Variants in NAE1 observed in about 807,000 individuals in gnomAD.
NAE1 encodes the protein NEDD8 activating enzyme E1 subunit 1, also known as NEDD8-activating enzyme E1 regulatory subunit.
Under a neutral mutation model 88.0 loss-of-function variants are expected in NAE1, and 59 were observed. That is an observed-to-expected ratio of 0.67 (90% CI 0.54 to 0.83). The LOEUF (loss-of-function observed/expected upper bound fraction) is 0.83. Among genes scored for constraint, NAE1 ranks in the 40% least tolerant of loss-of-function variants. The pLI, the probability that NAE1 is intolerant of heterozygous loss-of-function variation, is 0.00. For missense variants in NAE1, 554 were observed against 632.8 expected (o/e 0.88, Z 1.34); for synonymous variants, 186 against 208.9 (o/e 0.89, Z 0.95).
Position 66,830,827 on chromosome 16 carries a change from C to T in NAE1, c.53+20G>A, listed in dbSNP as rs1189939570. 2.6e-6 allele frequency: 4 copies of T among 1,509,824 alleles called. No homozygotes were observed. The highest frequency in any genetic ancestry group is 1.7e-4 in the Middle Eastern group (1 of 5,804). 93.5% of individuals were successfully genotyped at this position (1,509,824 alleles called of 1,614,324 possible). On this transcript the variant is annotated intron_variant, in intron 1 of 19. Coordinates refer to ENST00000290810, the MANE Select transcript of NAE1 (RefSeq NM_003905.4). ...GGAAAGCCCGCCGGCCCGCCCTCGG[C>T]TCGGTGAGCCTCGGCTCACCTCAGC...
intron 13 of NAE1, among the ~76,000 whole-genome samples, chr16:66,812,759 T>A (rs1050507531): frequency 2.1e-4 from 32 of 151,808 alleles, no homozygotes; most frequent in Non-Finnish European, 4.1e-4. Context: ...GACCTTGTGA[T>A]CCACCCGTCT....
At position 66,818,509 on chromosome 16, in the gene NAE1, G is replaced by C. The variant is rs751858578; in HGVS notation, c.621+19C>G. The C allele has an allele frequency of 6.3e-7, 1 of 1,577,306 alleles. No individual in the cohort carries two copies. Among genetic ancestry groups the C allele is most frequent in the Non-Finnish European group, 8.6e-7 (1 of 1,158,798 alleles). ...GTTTTAAGTCTATCTGTAAATGTAAGGTCACACACACTACCAACCTTTTTT... is the reference window on the plus strand; with the variant it reads ...GTTTTAAGTCTATCTGTAAATGTAACGTCACACACACTACCAACCTTTTTT... On this transcript the variant is annotated intron_variant, in intron 8 of 19. Transcript: ENST00000290810.
intron 14 of NAE1, 104 bp from the exon 15 acceptor site, chr16:66,810,517 A>G (rs1959751601): frequency 1.7e-6 from 2 of 1,155,428 alleles, no homozygotes; most frequent in Admixed American, 2.2e-5. Flanking sequence ...TTTCTCCAAG[A>G]GCTGGGAGAG....
At chr16:66,813,718 T>G (rs371227979) in intron 12 of NAE1, 21 bp from the exon 13 acceptor site, 42 of 1,610,244 alleles carry the variant, frequency 2.6e-5, no homozygotes, top group Admixed American at 6.7e-5. Context: ...AAGAAAAAAT[T>G]AACATTAAGT....
chr16:66,830,235 G>A (rs1960639872), intron 1 of NAE1, among the ~76,000 whole-genome samples: 1 of 151,824 alleles, frequency 6.6e-6, no homozygotes, highest in African/African-American at 2.4e-5. Context: ...CTTGGGGAAA[G>A]GTGGCAAAAA....
intron 11 of NAE1, 146 bp from the exon 12 acceptor site, chr16:66,813,992 A>G (rs1959931594): frequency 1.3e-6 from 1 of 786,610 alleles, no homozygotes; most frequent in East Asian, 2.7e-5. Context: ...TTTTATTTAG[A>G]ATCAGTACCA....
intron 1 of NAE1, among the ~76,000 whole-genome samples, chr16:66,828,419 A>C (rs1329557218): frequency 1.3e-5 from 2 of 149,880 alleles, no homozygotes; most frequent in Admixed American, 1.3e-4. Context: ...TGAACGCAGG[A>C]GGCGGAGATT....
chr16:66,816,969 T>A lies in NAE1; in HGVS notation c.744A>T (p.Arg248Ser). 1 of 1,598,798 alleles carries A rather than the reference T, an allele frequency of 6.3e-7. No individual in the cohort carries two copies. The highest frequency in any genetic ancestry group is 8.5e-7 in the Non-Finnish European group (1 of 1,176,100). Residue 248 changes from arginine to serine, a missense_variant, in exon 10 of 20, where the codon AGA (arginine) becomes AGT (serine). Coordinates refer to ENST00000290810, the MANE Select transcript of NAE1 (RefSeq NM_003905.4). ...TTTAATCATATCCCATATTACCTTG[T>A]CTAATCAAATCTCTGAAGTCCTCTT... ...KEKEDFRDLI[R>S]QGILKNENGA...
Position 66,821,576 on chromosome 16 carries a change from AGC to A in NAE1, c.402-19_402-18del. 1 of 1,520,136 alleles carries A rather than the reference AGC, an allele frequency of 6.6e-7. No individual in the cohort carries two copies. The highest frequency in any genetic ancestry group is 8.8e-7 in the Non-Finnish European group (1 of 1,130,886). 94.2% of individuals were successfully genotyped at this position (1,520,136 alleles called of 1,614,324 possible). A position where few individuals can be genotyped will look rare whatever the true frequency, so the allele number is the denominator to read the frequency against. On this transcript the variant is annotated intron_variant, in intron 6 of 19. Transcript: ENST00000290810. Reference sequence around the variant, plus strand: ...AGTGAAGTGCTGTTTAAAAAAAAAAAGCAAAATATGAACATAAGCAAATGGAA... The same window carrying A: ...AGTGAAGTGCTGTTTAAAAAAAAAAAAAAATATGAACATAAGCAAATGGAA...
chr16:66,808,139 G>T (rs1395981304), intron 17 of NAE1, among the ~76,000 whole-genome samples: 1 of 152,106 alleles, frequency 6.6e-6, no homozygotes, highest in Non-Finnish European at 1.5e-5. Context: ...CAATCTGCCT[G>T]AATCAGTCTC....
intron 12 of NAE1, 24 bp downstream of exon 12, chr16:66,813,763 T>G (rs751619842): frequency 1.2e-6 from 2 of 1,612,866 alleles, no homozygotes; most frequent in Non-Finnish European, 1.7e-6. Flanking sequence ...TTAGCAGCAA[T>G]GTTTTTACTT....
Position 66,821,489 on chromosome 16 carries a change from G to C in NAE1, c.472C>G (p.Leu158Val), listed in dbSNP as rs1305987418. Residue 158 changes from leucine to valine, a missense_variant, in exon 7 of 20, where the codon CTA becomes GTA. By Grantham distance (32) the Leu-to-Val change is conservative (BLOSUM62 1). Coordinates refer to ENST00000290810, the MANE Select transcript of NAE1 (RefSeq NM_003905.4). Reference protein sequence around the residue: ...IPLLICRTYGLVGYMRIIIKE... With the variant: ...IPLLICRTYGVVGYMRIIIKE... ...ATAATGATCCTCATATAACCAACTA[G>C]TCCATATGTCCTACAGATCAAAAGA... The C allele has an allele frequency of 6.2e-7, 1 of 1,602,380 alleles. No homozygotes were observed. Among genetic ancestry groups the C allele is most frequent in the Admixed American group, 1.7e-5 (1 of 58,360 alleles).
At chr16:66,804,913 T>A (rs1435512251) in intron 19 of NAE1, among the ~76,000 whole-genome samples, 1 of 152,118 alleles carries the variant, frequency 6.6e-6, no homozygotes, top group Non-Finnish European at 1.5e-5. Context: ...GATCCCAGAC[T>A]TCTAGCCTCC....
chr16:66,825,511 A>C lies in NAE1; in HGVS notation c.219-626T>G, dbSNP rs375706678. Among the ~76,000 whole-genome samples, 3 of 152,236 alleles carry C rather than the reference A, an allele frequency of 2.0e-5. No individual in the cohort carries two copies. The East Asian group carries it at 5.8e-4, about 29-fold the overall frequency. ...TATTTCCCTCTTGGAAATTCATAAT[A>C]CACATAATACATGTGATACTAAAAT... On this transcript the variant is annotated intron_variant, in intron 3 of 19. Coordinates refer to ENST00000290810, the MANE Select transcript of NAE1 (RefSeq NM_003905.4).
At chr16:66,830,153 C>T (rs1960635518) in intron 1 of NAE1, among the ~76,000 whole-genome samples, 1 of 152,140 alleles carries the variant, frequency 6.6e-6, no homozygotes, top group South Asian at 2.1e-4. Context: ...TCCCAAAGTG[C>T]TGGGATTACA....
At position 66,818,547 on chromosome 16, in the gene NAE1, A is replaced by G; in HGVS notation, c.602T>C (p.Leu201Ser). 14 of 1,611,600 alleles carry G rather than the reference A, an allele frequency of 8.7e-6. No individual in the cohort carries two copies. The highest frequency in any genetic ancestry group is 1.2e-5 in the Non-Finnish European group (14 of 1,179,000). The change falls in exon 8 of 20, where the codon TTG becomes TCG. Residue 201 changes from leucine to serine, a missense_variant. Coordinates refer to ENST00000290810, the MANE Select transcript of NAE1 (RefSeq NM_003905.4). ...ELREHFQSYDLDHMEKKDHSH... is the reference protein window; with the variant it reads ...ELREHFQSYDSDHMEKKDHSH... ...ACCAACCTTTTTTTCCATATGATCC[A>G]AATCATAGGACTGAAAATGTTCTCT...
intron 19 of NAE1, among the ~76,000 whole-genome samples, chr16:66,805,066 G>A (rs932025385): frequency 1.3e-5 from 2 of 152,140 alleles, no homozygotes; most frequent in African/African-American, 4.8e-5. Flanking sequence ...TTTGAGTTGG[G>A]TCTTGAAGAA....
At chr16:66,821,664 A>G in intron 6 of NAE1, 105 bp from the exon 7 acceptor site, 1 of 938,378 alleles carries the variant, frequency 1.1e-6, no homozygotes, top group Non-Finnish European at 1.5e-6. Flanking sequence ...TTCTTACTAA[A>G]TAATAGATGC....
Position 66,826,770 on chromosome 16 carries a change from C to T in NAE1, c.64G>A (p.Asp22Asn), listed in dbSNP as rs757264920. The T allele has an allele frequency of 3.7e-6, 6 of 1,603,874 alleles. No individual in the cohort carries two copies. Among genetic ancestry groups the T allele is most frequent in the Non-Finnish European group, 4.2e-6 (5 of 1,176,700 alleles). ...KYDRQLRLWG[D>N]HGQEALESAH... ...GATTCTAAAGCCTCTTGCCCATGAT[C>T]ACCCCACAACCTACAAAACAGACAC... Residue 22 changes from aspartate (D) to asparagine (N), a missense_variant, in exon 2 of 20, where the codon GAT (aspartate) becomes AAT (asparagine). Transcript: ENST00000290810.
Sources: allele counts gnomAD v4.1 joint callset (sites outside exome capture counted in the v4.1 genomes callset), GRCh38; gene constraint gnomAD v4.1.1; transcripts MANE v1.5; gene names NCBI Gene and HGNC (gene_info 2026-07-23, HGNC 2026-07-21).